COBL: variants seen among roughly 807,000 people sequenced by gnomAD.
COBL encodes cordon-bleu WH2 repeat protein, also known as protein cordon-bleu.
A neutral mutation model predicts 98.8 loss-of-function variants in COBL; 51 were observed. The ratio of observed to expected loss-of-function variants is 0.52; its 90% CI spans 0.41 to 0.65. The LOEUF (loss-of-function observed/expected upper bound fraction) is 0.65. COBL is among the 30% of genes least tolerant of loss of function. The pLI, the probability that COBL is intolerant of heterozygous loss-of-function variation, is 0.00. For synonymous variants in COBL, 634 were observed against 651.7 expected (o/e 0.97, Z 0.41); for missense variants, 1,617 against 1,617.5 (o/e 1.00, Z 0.01).
intron 5 of COBL, among the ~76,000 whole-genome samples, chr7:51,142,264 T>C (rs1799829825): frequency 6.6e-6 from 1 of 152,146 alleles, no homozygotes; most frequent in African/African-American, 2.4e-5. Flanking sequence ...AGAAGCTATT[T>C]GGTCTGGATG....
At chr7:51,186,447 A>G (rs1264023294) in intron 4 of COBL, among the ~76,000 whole-genome samples, 1 of 152,238 alleles carries the variant, frequency 6.6e-6, no homozygotes, top group African/African-American at 2.4e-5. Context: ...TTCCTAGTAC[A>G]CAAGCTGTAT....
At chr7:51,144,907 A>G (rs1784878395) in intron 5 of COBL, among the ~76,000 whole-genome samples, 1 of 152,282 alleles carries the variant, frequency 6.6e-6, no homozygotes, top group South Asian at 2.1e-4. Context: ...TGTTTGATGT[A>G]TATACCACAT....
intron 3 of COBL, 51 bp from the exon 4 acceptor site, chr7:51,191,129 C>G (rs1160138336): frequency 2.0e-6 from 3 of 1,507,512 alleles, no homozygotes; most frequent in Admixed American, 3.7e-5. Context: ...CTCCCACAAG[C>G]CTTCAACTCT....
intron 5 of COBL, among the ~76,000 whole-genome samples, chr7:51,160,404 T>C (rs1296093333): frequency 1.8e-4 from 27 of 152,154 alleles, no homozygotes; most frequent in Admixed American, 1.8e-3. Context: ...TGCCATAAAG[T>C]TGTCATATCC....
At chr7:51,227,949 G>A (rs1034086970) in intron 1 of COBL, among the ~76,000 whole-genome samples, 7 of 152,134 alleles carry the variant, frequency 4.6e-5, no homozygotes, top group Admixed American at 1.3e-4. Context: ...CAATCACACT[G>A]CAGCCCACAG....
intron 7 of COBL, among the ~76,000 whole-genome samples, chr7:51,079,257 C>A (rs1304524254): frequency 2.0e-5 from 3 of 152,166 alleles, no homozygotes; most frequent in African/African-American, 7.2e-5. Context: ...TCAAGTATAA[C>A]TGCAACAGGT....
intron 6 of COBL, among the ~76,000 whole-genome samples, chr7:51,093,708 C>T (rs1795017949): frequency 1.3e-5 from 2 of 151,998 alleles, no homozygotes; most frequent in Admixed American, 1.3e-4. Context: ...CTGGGCAACA[C>T]TGCAAGACCC....
chr7:51,216,097 G>C (rs1793011932), intron 2 of COBL, among the ~76,000 whole-genome samples: 1 of 152,222 alleles, frequency 6.6e-6, no homozygotes, highest in African/African-American at 2.4e-5. Context: ...TTGAACACCA[G>C]TTTGGACACA....
chr7:51,122,711 G>C (rs1016505222), intron 6 of COBL, among the ~76,000 whole-genome samples: 1 of 152,182 alleles, frequency 6.6e-6, no homozygotes, highest in Non-Finnish European at 1.5e-5. Context: ...AGGCACAGTG[G>C]CTCACACCTG....
chr7:51,064,166 G>A (rs1470053580), intron 7 of COBL, among the ~76,000 whole-genome samples: 1 of 152,250 alleles, frequency 6.6e-6, no homozygotes, highest in Non-Finnish European at 1.5e-5. Context: ...GCCAATGGGT[G>A]TGTGGCACTC....
chr7:51,201,024 A>G (rs2129065086), intron 2 of COBL, among the ~76,000 whole-genome samples: 1 of 152,200 alleles, frequency 6.6e-6, no homozygotes, highest in East Asian at 1.9e-4. Context: ...GCAGATCACG[A>G]TGTCAGGAGT....
intron 1 of COBL, among the ~76,000 whole-genome samples, chr7:51,239,369 C>T (rs1488113609): frequency 6.6e-6 from 1 of 152,184 alleles, no homozygotes; most frequent in Non-Finnish European, 1.5e-5. Context: ...CTCCCACCAG[C>T]ACCATGACAG....
intron 1 of COBL, among the ~76,000 whole-genome samples, chr7:51,295,759 AC>A (rs1214929746): frequency 1.3e-5 from 2 of 152,112 alleles, no homozygotes; most frequent in South Asian, 2.1e-4. Context: ...CCTAATCTCA[AC>A]TTTCTTGTTA....
At chr7:51,115,066 C>A (rs966079083) in intron 6 of COBL, among the ~76,000 whole-genome samples, 8 of 152,164 alleles carry the variant, frequency 5.3e-5, no homozygotes, top group African/African-American at 1.9e-4. Flanking sequence ...TCCATTTCAT[C>A]TAAGTTTTCA....
chr7:51,315,271 AAG>A (rs1554471871), intron 1 of COBL, among the ~76,000 whole-genome samples: 37 of 151,772 alleles, frequency 2.4e-4, no homozygotes, highest in African/African-American at 8.7e-4. Flanking sequence ...AAAAAAAAAA[AAG>A]AGAGAGAGAA....
intron 7 of COBL, chr7:51,064,722 T>C (rs1053847593): frequency 6.2e-6 from 1 of 161,128 alleles, no homozygotes; most frequent in Non-Finnish European, 1.4e-5. Flanking sequence ...TACTGAAGTA[T>C]GCATTTGAAA....
intron 2 of COBL, among the ~76,000 whole-genome samples, chr7:51,203,454 T>C (rs1584156712): frequency 1.1e-5 from 1 of 89,702 alleles, no homozygotes; most frequent in Non-Finnish European, 1.9e-5. Context: ...AGAGCGAGAC[T>C]CCGTCTCAAA....
At chr7:51,166,583 A>C (rs1787339414) in intron 5 of COBL, among the ~76,000 whole-genome samples, 1 of 152,120 alleles carries the variant, frequency 6.6e-6, no homozygotes, top group Non-Finnish European at 1.5e-5. Context: ...GGGAGGATGA[A>C]TACTTCCAAA....
At chr7:51,292,806 G>A (rs901289464) in intron 1 of COBL, among the ~76,000 whole-genome samples, 1 of 152,194 alleles carries the variant, frequency 6.6e-6, no homozygotes, top group African/African-American at 2.4e-5. Context: ...TGCAGGCCCC[G>A]AGCAGCCCTG....
Sources: allele counts gnomAD v4.1 joint callset (sites outside exome capture counted in the v4.1 genomes callset), GRCh38; gene constraint gnomAD v4.1.1; transcripts MANE v1.5; gene names NCBI Gene and HGNC (gene_info 2026-07-23, HGNC 2026-07-21).